The following GPR158 variants were observed in gnomAD, a reference collection of about 807,000 sequenced individuals.
GPR158 encodes G protein-coupled receptor 158, also known as metabotropic glycine receptor.
Under a neutral mutation model 78.2 loss-of-function variants are expected in GPR158, and 30 were observed. That is an observed-to-expected ratio of 0.38 (90% CI 0.29 to 0.52). GPR158 has a LOEUF of 0.52. Ranked by LOEUF, GPR158 falls within the 20% of genes least tolerant of loss-of-function variation. The probability of loss-of-function intolerance (pLI) is 0.83; values close to 1 mark genes in which losing one functional copy is unlikely to be tolerated. For synonymous variants in GPR158, 581 were observed against 591.1 expected (o/e 0.98, Z 0.25); for missense variants, 1,463 against 1,523.5 (o/e 0.96, Z 0.66).
chr10:25,556,195 C>T (rs1001754530), intron 6 of GPR158, among the ~76,000 whole-genome samples: 5 of 152,038 alleles, frequency 3.3e-5, no homozygotes, highest in East Asian at 1.9e-4. Flanking sequence ...GCTTAGCCCT[C>T]GTTTATGAAG....
At chr10:25,453,237 A>G (rs972989711) in intron 4 of GPR158, among the ~76,000 whole-genome samples, 2 of 152,178 alleles carry the variant, frequency 1.3e-5, no homozygotes, top group Non-Finnish European at 2.9e-5. Flanking sequence ...TTGAATATAT[A>G]TCTGTTAGTG....
rs184548026 is a variant in GPR158, at chr10:25,594,106, T to A, written c.1893-186T>A. The A allele has an allele frequency of 4.3e-5, 22 of 510,090 alleles. No homozygotes were observed. The East Asian group carries it at 4.5e-4, about 10-fold the overall frequency. The allele number at this position is 510,090 out of a possible 1,614,324, so 31.6% of individuals were successfully genotyped here. On this transcript the variant is annotated intron_variant, in intron 8 of 10. Transcript: ENST00000376351. Reference sequence around the variant, plus strand: ...ATCTAAAATCATAATAAAGGGTTCATATATTATGCATCAAATTAAGCTTAG... The same window carrying A: ...ATCTAAAATCATAATAAAGGGTTCAAATATTATGCATCAAATTAAGCTTAG...
At chr10:25,373,467 C>T (rs1256200280) in intron 2 of GPR158, among the ~76,000 whole-genome samples, 1 of 151,806 alleles carries the variant, frequency 6.6e-6, no homozygotes. Context: ...TTTAAATCTA[C>T]CGTCTGCTTT....
chr10:25,195,572 C>T (rs556761929), intron 1 of GPR158, among the ~76,000 whole-genome samples: 1 of 152,278 alleles, frequency 6.6e-6, no homozygotes, highest in East Asian at 1.9e-4. Context: ...GAAGACATTC[C>T]TGGAGTCCTG....
At chr10:25,324,951 G>C (rs554709583) in intron 2 of GPR158, among the ~76,000 whole-genome samples, 1 of 149,182 alleles carries the variant, frequency 6.7e-6, no homozygotes, top group Admixed American at 6.8e-5. Context: ...CAATCCTCCT[G>C]CCTCAACTTC....
In GPR158 at chr10:25,598,765, A is replaced by G. The variant is rs1837449431; in HGVS notation, c.3139A>G (p.Lys1047Glu). Residue 1047 changes from lysine (K) to glutamate (E), a missense_variant, in exon 11 of 11, where the codon AAA becomes GAA. Coordinates refer to ENST00000376351, the MANE Select transcript of GPR158 (RefSeq NM_020752.3). Reference sequence around the variant, plus strand: ...AAACCCCACTTTTTCCTTAAAGGAGAAATCTCACCACAAGCCTAAGGCAGC... The same window carrying G: ...AAACCCCACTTTTTCCTTAAAGGAGGAATCTCACCACAAGCCTAAGGCAGC... Reference protein sequence around the residue: ...EKNPTFSLKEKSHHKPKAAEV... With the variant: ...EKNPTFSLKEESHHKPKAAEV... The G allele has an allele frequency of 6.2e-7, 1 of 1,614,080 alleles. No individual in the cohort carries two copies. The highest frequency in any genetic ancestry group is 1.7e-5 in the Admixed American group (1 of 60,010).
chr10:25,472,347 G>A (rs1468570361), intron 5 of GPR158, among the ~76,000 whole-genome samples: 3 of 152,128 alleles, frequency 2.0e-5, no homozygotes, highest in Non-Finnish European at 4.4e-5. Flanking sequence ...CCAGTACCAT[G>A]CTGTTTTGGT....
At chr10:25,544,453 G>C (rs1430263390) in intron 5 of GPR158, among the ~76,000 whole-genome samples, 2 of 152,070 alleles carry the variant, frequency 1.3e-5, no homozygotes, top group African/African-American at 4.8e-5. Flanking sequence ...AGATAATAAA[G>C]TATATTTTGG....
At chr10:25,357,526 C>T (rs746533665) in intron 2 of GPR158, among the ~76,000 whole-genome samples, 1 of 152,078 alleles carries the variant, frequency 6.6e-6, no homozygotes, top group Non-Finnish European at 1.5e-5. Context: ...CCCAGCTGCT[C>T]CAGTCATGAC....
At chr10:25,505,550 C>T (rs1021038092) in intron 5 of GPR158, among the ~76,000 whole-genome samples, 2 of 152,184 alleles carry the variant, frequency 1.3e-5, no homozygotes, top group African/African-American at 4.8e-5. Context: ...TTTTCAAAAA[C>T]ATGAGTTTGA....
In GPR158 at chr10:25,589,242, TA is replaced by T. The variant is rs541296785; in HGVS notation, c.1892+98del. On this transcript the variant is annotated intron_variant, in intron 8 of 10. Coordinates refer to ENST00000376351, the MANE Select transcript of GPR158 (RefSeq NM_020752.3). ...AGATAAGATGCATAATAGAAAGACT[TA>T]GCAAAGATAGCATTTTATAAGTGGA... 322 of 720,786 alleles carry T rather than the reference TA, an allele frequency of 4.5e-4. 3 individuals are homozygous for T. The African/African-American group carries it at 4.6e-3, about 10-fold the overall frequency. 44.6% of individuals were successfully genotyped at this position (720,786 alleles called of 1,614,324 possible). A position where few individuals can be genotyped will look rare whatever the true frequency, so the allele number is the denominator to read the frequency against.
At chr10:25,375,175 T>G (rs1055823449) in intron 2 of GPR158, among the ~76,000 whole-genome samples, 1 of 151,722 alleles carries the variant, frequency 6.6e-6, no homozygotes, top group Non-Finnish European at 1.5e-5. Flanking sequence ...TTATTTTTCA[T>G]AAGTATATCC....
chr10:25,489,093 T>G (rs1368909354), intron 5 of GPR158, among the ~76,000 whole-genome samples: 1 of 152,128 alleles, frequency 6.6e-6, no homozygotes, highest in Non-Finnish European at 1.5e-5. Flanking sequence ...GACAAAAACT[T>G]GTTGGCCTGA....
chr10:25,372,570 A>T (rs1564436533), intron 2 of GPR158, among the ~76,000 whole-genome samples: 3 of 147,974 alleles, frequency 2.0e-5, no homozygotes, highest in Non-Finnish European at 4.5e-5. Flanking sequence ...GACATGGACG[A>T]AATTGGAAAT....
At chr10:25,292,074 A>G (rs1449844790) in intron 2 of GPR158, among the ~76,000 whole-genome samples, 1 of 152,000 alleles carries the variant, frequency 6.6e-6, no homozygotes, top group Non-Finnish European at 1.5e-5. Flanking sequence ...TTAGATACAC[A>G]CCCACACACA....
Position 25,212,430 on chromosome 10 carries a change from C to T in GPR158, c.903-8622C>T, listed in dbSNP as rs997285555. Among the ~76,000 whole-genome samples the T allele has an allele frequency of 1.2e-4, 19 of 152,198 alleles. No homozygotes were observed. In the East Asian group the frequency reaches 3.7e-3, roughly 29 times the overall value. On this transcript the variant is annotated intron_variant, in intron 1 of 10. Coordinates refer to ENST00000376351, the MANE Select transcript of GPR158 (RefSeq NM_020752.3). ...GGATGGTGCCAAGCCATTCATGATC[C>T]GATCACCCCCCACCAGGCCCCACCT...
Position 25,598,605 on chromosome 10 carries a change from C to T in GPR158, c.2979C>T (p.Gly993=), listed in dbSNP as rs1383817348. ...CTGCCAATTCTGACCTGAACCCAGGCACCACCCAGATGAAGGACAACTTTG... is the reference window on the plus strand; with the variant it reads ...CTGCCAATTCTGACCTGAACCCAGGTACCACCCAGATGAAGGACAACTTTG... ...PTTANSDLNP[G]TTQMKDNFDI... Residue 993 remains glycine (G), a synonymous_variant, in exon 11 of 11, where the codon GGC becomes GGT. Transcript: ENST00000376351. The T allele has an allele frequency of 3.1e-6, 5 of 1,613,964 alleles. No individual in the cohort carries two copies. The highest frequency in any genetic ancestry group is 1.7e-5 in the Admixed American group (1 of 59,996).
chr10:25,382,445 A>T (rs566182100), intron 2 of GPR158, among the ~76,000 whole-genome samples: 1 of 152,116 alleles, frequency 6.6e-6, no homozygotes, highest in African/African-American at 2.4e-5. Flanking sequence ...AATTTTAACG[A>T]TGTCATAAAA....
chr10:25,505,846 C>T (rs1274169597), intron 5 of GPR158, among the ~76,000 whole-genome samples: 1 of 152,154 alleles, frequency 6.6e-6, no homozygotes, highest in East Asian at 1.9e-4. Flanking sequence ...AGGCTCAACT[C>T]AGGCTTTTTG....
Sources: gnomAD v4.1 joint callset for allele counts (sites outside exome capture counted in the v4.1 genomes callset) on GRCh38, gnomAD v4.1.1 for gene constraint, MANE v1.5 for transcripts, NCBI Gene and HGNC (gene_info 2026-07-23, HGNC 2026-07-21) for gene names.